Variants in NUCB2 observed in about 807,000 individuals in gnomAD.
The protein encoded by NUCB2 is nucleobindin 2, also known as nucleobindin-2.
NUCB2 carries 48 observed loss-of-function variants against 57.9 expected under a neutral mutation model. That is an observed-to-expected ratio of 0.83 (90% CI 0.66 to 1.05). The LOEUF (loss-of-function observed/expected upper bound fraction) is 1.05, where lower values mean the gene tolerates loss of function less well. Ranked by LOEUF, NUCB2 falls within the 50% of genes least tolerant of loss-of-function variation. NUCB2 has a pLI of 0.00. For synonymous variants in NUCB2, 139 were observed against 152.1 expected (o/e 0.91, Z 0.64); for missense variants, 442 against 476.2 (o/e 0.93, Z 0.67).
intron 2 of NUCB2, among the ~76,000 whole-genome samples, chr11:17,288,953 A>ATTT (rs1394028630): frequency 2.8e-5 from 1 of 35,198 alleles, no homozygotes; most frequent in African/African-American, 2.6e-4. Context: ...ACACACACAT[A>ATTT]TATATATATA....
chr11:17,288,377 G>C (rs181813195), intron 2 of NUCB2, among the ~76,000 whole-genome samples: 1 of 152,032 alleles, frequency 6.6e-6, no homozygotes, highest in Non-Finnish European at 1.5e-5. Flanking sequence ...ACCCAGGCTG[G>C]AGTAAGGTGG....
intron 4 of NUCB2, among the ~76,000 whole-genome samples, chr11:17,299,941 T>C (rs889678143): frequency 6.6e-6 from 1 of 152,094 alleles, no homozygotes; most frequent in Non-Finnish European, 1.5e-5. Context: ...AAATACTTTG[T>C]TGACATATAA....
chr11:17,329,103 A>G (rs1445227718), intron 11 of NUCB2, among the ~76,000 whole-genome samples: 2 of 152,108 alleles, frequency 1.3e-5, no homozygotes, highest in Non-Finnish European at 2.9e-5. Flanking sequence ...AGGGCCTGGA[A>G]TCAGGTCCTC....
chr11:17,340,126 T>G (rs1224189103), intron 2 of NUCB2, among the ~76,000 whole-genome samples: 1 of 152,260 alleles, frequency 6.6e-6, no homozygotes, highest in African/African-American at 2.4e-5. Context: ...TTTGTTCATG[T>G]GTCTTTTGGC....
chr11:17,295,147 T>A (rs1945611960), intron 2 of NUCB2, among the ~76,000 whole-genome samples, 177 bp from the exon 3 acceptor site: 1 of 152,242 alleles, frequency 6.6e-6, no homozygotes, highest in Non-Finnish European at 1.5e-5. Flanking sequence ...TCTTTAGTGA[T>A]CTATTTTAAG....
In NUCB2 at chr11:17,288,552, C is replaced by CTTTTTTTT. The variant is rs1362783048; in HGVS notation, c.-1+5618_-1+5625dup. ...TCTTTTTCTTCTTCTTCTTCTTCTT[C>CTTTTTTTT]TTTTTTTTTTTTTTTTGAGACAGTC... On this transcript the variant is annotated intron_variant, in intron 2 of 13. Coordinates refer to ENST00000529010, the MANE Select transcript of NUCB2 (RefSeq NM_005013.4). 5.4e-3 allele frequency among the ~76,000 whole-genome samples: 550 copies of CTTTTTTTT among 101,134 alleles called. 26 individuals are homozygous for CTTTTTTTT. Among genetic ancestry groups the CTTTTTTTT allele is most frequent in the East Asian group, 0.016 (41 of 2,558 alleles). The allele number at this position is 101,134 out of a possible 152,430, so 66.3% of individuals were successfully genotyped here.
intron 11 of NUCB2, among the ~76,000 whole-genome samples, chr11:17,321,617 G>A (rs528630307): frequency 6.6e-6 from 1 of 152,034 alleles, no homozygotes; most frequent in Non-Finnish European, 1.5e-5. Context: ...GGTTAAGATT[G>A]CATTAAGATT....
chr11:17,319,604 A>T (rs529412413), intron 11 of NUCB2, among the ~76,000 whole-genome samples: 1 of 152,314 alleles, frequency 6.6e-6, no homozygotes, highest in Non-Finnish European at 1.5e-5. Context: ...GCACACATAC[A>T]CACATATACC....
chr11:17,287,840 A>G (rs1174861170), intron 2 of NUCB2, among the ~76,000 whole-genome samples: 2 of 151,824 alleles, frequency 1.3e-5, no homozygotes, highest in Non-Finnish European at 2.9e-5. Flanking sequence ...TCTCTACTAA[A>G]AATACAAAAA....
intron 5 of NUCB2, among the ~76,000 whole-genome samples, chr11:17,302,546 A>G (rs1482164731): frequency 6.6e-6 from 1 of 152,098 alleles, no homozygotes; most frequent in Non-Finnish European, 1.5e-5. Context: ...CACAAGATCC[A>G]GACCATTTCT....
chr11:17,319,090 A>T (rs1447557719), intron 11 of NUCB2, among the ~76,000 whole-genome samples: 1 of 152,222 alleles, frequency 6.6e-6, no homozygotes, highest in Admixed American at 6.5e-5. Flanking sequence ...TCTAGCTAGA[A>T]TTATTACTGT....
chr11:17,339,623 A>G (rs866698652), intron 2 of NUCB2, among the ~76,000 whole-genome samples: 13 of 150,534 alleles, frequency 8.6e-5, no homozygotes, highest in Admixed American at 3.3e-4. Flanking sequence ...TGTCCTTGCG[A>G]TAGTTTGCTG....
In NUCB2 at chr11:17,322,831, T is replaced by C. The variant is rs538742286; in HGVS notation, c.1003-7296T>C. 6.6e-5 allele frequency among the ~76,000 whole-genome samples: 10 copies of C among 152,260 alleles called. 1 individual carries two copies. The South Asian group carries it at 2.1e-3, about 32-fold the overall frequency. On this transcript the variant is annotated intron_variant, in intron 11 of 13. Coordinates refer to ENST00000529010, the MANE Select transcript of NUCB2 (RefSeq NM_005013.4). ...GTTAATTCCTAGGTATTTAATTTTATTTGTGGCTATTATAAATGGGATTAC... is the reference window on the plus strand; with the variant it reads ...GTTAATTCCTAGGTATTTAATTTTACTTGTGGCTATTATAAATGGGATTAC...
intron 2 of NUCB2, among the ~76,000 whole-genome samples, chr11:17,340,735 C>G (rs1445974260): frequency 6.6e-6 from 1 of 152,096 alleles, no homozygotes; most frequent in African/African-American, 2.4e-5. Flanking sequence ...CAGTACCGTG[C>G]TGTTTTGGTT....
At chr11:17,292,993 C>A (rs972013372) in intron 2 of NUCB2, among the ~76,000 whole-genome samples, 1 of 152,126 alleles carries the variant, frequency 6.6e-6, no homozygotes, top group African/African-American at 2.4e-5. Context: ...GTGGCTCATG[C>A]CTGTAATTTC....
At chr11:17,346,039 A>G (rs1952710156) in intron 2 of NUCB2, among the ~76,000 whole-genome samples, 1 of 152,210 alleles carries the variant, frequency 6.6e-6, no homozygotes, top group Non-Finnish European at 1.5e-5. Context: ...GTAAAATTAG[A>G]AAAATATGTA....
rs1475437185 is a variant in NUCB2, at chr11:17,296,169, C to A, written c.210C>A (p.His70Gln). 6.2e-7 allele frequency: 1 copy of A among 1,611,748 alleles called. No individual in the cohort carries two copies. The highest frequency in any genetic ancestry group is 8.5e-7 in the Non-Finnish European group (1 of 1,178,596). ...TTGATGTGCTGGAAACAGATAAACA[C>A]TTCAGAGAAAAGCTCCAGAAAGCAG... ...QVIDVLETDK[H>Q]FREKLQKADI... The change falls in exon 4 of 14, where the codon CAC becomes CAA. Residue 70 changes from histidine (H) to glutamine (Q), a missense_variant. His to Gln is a conservative substitution (Grantham distance 24). Coordinates refer to ENST00000529010, the MANE Select transcript of NUCB2 (RefSeq NM_005013.4).
intron 2 of NUCB2, among the ~76,000 whole-genome samples, chr11:17,287,514 A>G (rs564563356): frequency 6.6e-6 from 1 of 151,912 alleles, no homozygotes; most frequent in Non-Finnish European, 1.5e-5. Flanking sequence ...TCTACTAAAA[A>G]TACAAAAAAT....
intron 10 of NUCB2, among the ~76,000 whole-genome samples, chr11:17,313,012 A>AT (rs72372312): frequency 0.23 from 34,585 of 150,038 alleles, 4,551 homozygotes; most frequent in East Asian, 0.5. Flanking sequence ...CACCAGGCCG[A>AT]TTTTTATTTT....
Sources: allele counts gnomAD v4.1 joint callset (sites outside exome capture counted in the v4.1 genomes callset), GRCh38; gene constraint gnomAD v4.1.1; transcripts MANE v1.5; gene names NCBI Gene and HGNC (gene_info 2026-07-23, HGNC 2026-07-21).